NCAPG2: variants seen among roughly 807,000 people sequenced by gnomAD.
NCAPG2 encodes non-SMC condensin II complex subunit G2.
In NCAPG2, 53 loss-of-function variants were observed where a neutral mutation model predicts 141.1. The ratio of observed to expected loss-of-function variants is 0.38; its 90% CI spans 0.30 to 0.47. The LOEUF (loss-of-function observed/expected upper bound fraction) is 0.47. NCAPG2 is among the 20% of genes least tolerant of loss of function. NCAPG2 has a pLI of 0.99. For synonymous variants in NCAPG2, 499 were observed against 490.7 expected, an observed-to-expected ratio of 1.02 and a Z score of -0.22; for missense variants, 1,087 against 1,389.0, an observed-to-expected ratio of 0.78 and a Z score of 3.46.
intron 15 of NCAPG2, 37 bp from the exon 16 acceptor site, chr7:158,662,404 T>A: frequency 6.7e-7 from 1 of 1,485,162 alleles, no homozygotes; most frequent in Non-Finnish European, 9.0e-7. Context: ...AAGGATCTAA[T>A]CATAGCAACT....
intron 2 of NCAPG2, among the ~76,000 whole-genome samples, chr7:158,698,256 A>G (rs1835578319): frequency 6.6e-6 from 1 of 152,176 alleles, no homozygotes; most frequent in Non-Finnish European, 1.5e-5. Flanking sequence ...TTGAAGAAAA[A>G]TGTTTTTATA....
chr7:158,662,396 G>C, intron 15 of NCAPG2, 29 bp from the exon 16 acceptor site: 1 of 1,522,012 alleles, frequency 6.6e-7, no homozygotes, highest in Non-Finnish European at 8.8e-7. Context: ...TATTGTGAAA[G>C]GATCTAATCA....
At chr7:158,677,530 A>AAAAAAAAAAAAAAAAAAAG (rs1332875781) in intron 11 of NCAPG2, among the ~76,000 whole-genome samples, 1 of 45,294 alleles carries the variant, frequency 2.2e-5, no homozygotes, top group African/African-American at 8.0e-5. Flanking sequence ...TAAAGCAAAA[A>AAAAAAAAAAAAAAAAAAAG]AAAAAAAAAA....
intron 8 of NCAPG2, among the ~76,000 whole-genome samples, chr7:158,685,153 T>G: frequency 6.6e-6 from 1 of 152,202 alleles, no homozygotes; most frequent in Non-Finnish European, 1.5e-5. Flanking sequence ...ACAAACACAC[T>G]TTTTTGTCCA....
At chr7:158,669,867 C>T (rs900842258) in intron 13 of NCAPG2, among the ~76,000 whole-genome samples, 3 of 150,340 alleles carry the variant, frequency 2.0e-5, no homozygotes, top group African/African-American at 7.3e-5. Flanking sequence ...TCTCACACTT[C>T]TGAGCTTAAG....
At chr7:158,703,219 A>C (rs889108390) in intron 1 of NCAPG2, among the ~76,000 whole-genome samples, 11 of 152,324 alleles carry the variant, frequency 7.2e-5, no homozygotes, top group East Asian at 1.9e-4. Context: ...TTTCACTGAC[A>C]AAGAAAATGG....
intron 8 of NCAPG2, among the ~76,000 whole-genome samples, chr7:158,685,150 C>A (rs1384006674): frequency 6.6e-6 from 1 of 152,198 alleles, no homozygotes; most frequent in East Asian, 1.9e-4. Context: ...AAAACAAACA[C>A]ACTTTTTTGT....
intron 27 of NCAPG2, chr7:158,641,567 A>T: frequency 1.6e-6 from 1 of 625,574 alleles, no homozygotes; most frequent in South Asian, 1.8e-5. Context: ...TGGAAAAAAA[A>T]AAAAAAAGGA....
At chr7:158,640,735 A>G (rs1318924538) in intron 27 of NCAPG2, 1 of 152,158 alleles carries the variant, frequency 6.6e-6, no homozygotes, top group Non-Finnish European at 1.5e-5. Context: ...GAAGGAAAAG[A>G]ATATAGGTCA....
intron 8 of NCAPG2, among the ~76,000 whole-genome samples, chr7:158,684,187 T>C (rs927518243): frequency 5.9e-5 from 9 of 152,240 alleles, no homozygotes; most frequent in African/African-American, 2.2e-4. Flanking sequence ...CCACACATTG[T>C]CTGACTTGCA....
intron 16 of NCAPG2, among the ~76,000 whole-genome samples, chr7:158,660,887 G>A (rs1018447277): frequency 2.0e-5 from 3 of 152,048 alleles, no homozygotes; most frequent in Admixed American, 1.3e-4. Flanking sequence ...TAAGTCTCAC[G>A]AGATCTGATG....
chr7:158,659,382 C>T (rs1156912226), intron 16 of NCAPG2, among the ~76,000 whole-genome samples: 2 of 149,308 alleles, frequency 1.3e-5, no homozygotes, highest in African/African-American at 4.9e-5. Flanking sequence ...GGCTACTGAA[C>T]CAAATCTAGA....
chr7:158,650,986 C>G lies in NCAPG2; in HGVS notation c.2935-14G>C. 1 of 1,557,418 alleles carries G rather than the reference C, an allele frequency of 6.4e-7. No individual in the cohort carries two copies. The highest frequency in any genetic ancestry group is 8.6e-7 in the Non-Finnish European group (1 of 1,159,150). On this transcript the variant is annotated splice_polypyrimidine_tract_variant and intron_variant, in intron 23 of 27. Coordinates refer to ENST00000356309, the MANE Select transcript of NCAPG2 (RefSeq NM_017760.7). ...AGAATAAAGCAGCTACAAGAAAACACATACGTCACTTTTAATGACTAAAAA... is the reference window on the plus strand; with the variant it reads ...AGAATAAAGCAGCTACAAGAAAACAGATACGTCACTTTTAATGACTAAAAA...
chr7:158,646,367 T>C, intron 25 of NCAPG2, 93 bp downstream of exon 25: 1 of 857,238 alleles, frequency 1.2e-6, no homozygotes. Flanking sequence ...AATGTAGCTT[T>C]GAAAAACTTG....
chr7:158,637,375 T>C (rs1173566420), intron 27 of NCAPG2, among the ~76,000 whole-genome samples: 1 of 152,136 alleles, frequency 6.6e-6, no homozygotes, highest in Non-Finnish European at 1.5e-5. Flanking sequence ...AGTGCCCAGT[T>C]CAACGTCCCA....
intron 15 of NCAPG2, among the ~76,000 whole-genome samples, chr7:158,662,819 A>T (rs1473282695): frequency 6.6e-6 from 1 of 152,222 alleles, no homozygotes; most frequent in Non-Finnish European, 1.5e-5. Flanking sequence ...CCAGCCTATC[A>T]GGTCACAGAA....
intron 13 of NCAPG2, among the ~76,000 whole-genome samples, chr7:158,666,691 C>T (rs1196160389): frequency 6.6e-6 from 1 of 151,740 alleles, no homozygotes; most frequent in East Asian, 1.9e-4. Flanking sequence ...ACTCAGGAGA[C>T]CAAGGCAGGA....
At chr7:158,662,452 AGC>A in intron 15 of NCAPG2, 85 bp from the exon 16 acceptor site, 2 of 1,231,392 alleles carry the variant, frequency 1.6e-6, no homozygotes, top group Non-Finnish European at 2.2e-6. Flanking sequence ...AGAGCTCTAA[AGC>A]AAAAATGTAG....
intron 6 of NCAPG2, among the ~76,000 whole-genome samples, chr7:158,688,812 A>C (rs1338368948): frequency 6.6e-6 from 1 of 152,234 alleles, no homozygotes; most frequent in African/African-American, 2.4e-5. Context: ...TTTGTCTAGC[A>C]GACTGCAGAT....
Sources: gnomAD v4.1 joint callset for allele counts (sites outside exome capture counted in the v4.1 genomes callset) on GRCh38, gnomAD v4.1.1 for gene constraint, MANE v1.5 for transcripts, NCBI Gene and HGNC (gene_info 2026-07-23, HGNC 2026-07-21) for gene names.